The following MGAT5 variants were observed in gnomAD, a reference collection of about 807,000 sequenced individuals.
MGAT5 encodes the protein alpha-1,6-mannosylglycoprotein 6-beta-N-acetylglucosaminyltransferase A.
In MGAT5, 30 loss-of-function variants were observed where a neutral mutation model predicts 94.3. That is an observed-to-expected ratio of 0.32 (90% CI 0.24 to 0.43). MGAT5 has a LOEUF of 0.43. Ranked by LOEUF, MGAT5 falls within the 20% of genes least tolerant of loss-of-function variation. The probability of loss-of-function intolerance (pLI) is 1.00; values close to 1 mark genes in which losing one functional copy is unlikely to be tolerated. For synonymous variants in MGAT5, 310 were observed against 322.9 expected (o/e 0.96, Z 0.43); for missense variants, 691 against 905.5 (o/e 0.76, Z 3.04).
chr2:134,132,849 GT>G (rs1239364553), intron 1 of MGAT5, among the ~76,000 whole-genome samples: 3 of 152,200 alleles, frequency 2.0e-5, no homozygotes, highest in African/African-American at 7.2e-5. Context: ...ACCCTTCTCT[GT>G]TTACTTGGAA....
intron 2 of MGAT5, among the ~76,000 whole-genome samples, chr2:134,304,592 C>T (rs151007804): frequency 2.6e-5 from 4 of 152,272 alleles, no homozygotes; most frequent in Non-Finnish European, 5.9e-5. Flanking sequence ...ATACTTGTAA[C>T]ATCCCAGAAT....
chr2:134,442,267 G>A (rs904399873), intron 15 of MGAT5, among the ~76,000 whole-genome samples: 10 of 152,152 alleles, frequency 6.6e-5, no homozygotes, highest in African/African-American at 1.9e-4. Context: ...AGAGCCACAG[G>A]TATAGATGGA....
chr2:134,133,456 A>G (rs1686268596), intron 1 of MGAT5, among the ~76,000 whole-genome samples: 1 of 152,250 alleles, frequency 6.6e-6, no homozygotes, highest in Non-Finnish European at 1.5e-5. Context: ...CTGAAATGCC[A>G]GGTGAAGGAT....
intron 1 of MGAT5, among the ~76,000 whole-genome samples, chr2:134,194,204 G>T (rs1334121128): frequency 6.6e-6 from 1 of 152,184 alleles, no homozygotes; most frequent in African/African-American, 2.4e-5. Flanking sequence ...TGCTAGTATT[G>T]TTATAAATCT....
chr2:134,320,483 C>G (rs1015626391), intron 4 of MGAT5, among the ~76,000 whole-genome samples: 1 of 152,034 alleles, frequency 6.6e-6, no homozygotes, highest in African/African-American at 2.4e-5. Flanking sequence ...CGGCTGGCTT[C>G]CCCTTTATGG....
At chr2:134,244,694 C>T (rs1437003093) in intron 1 of MGAT5, among the ~76,000 whole-genome samples, 1 of 152,152 alleles carries the variant, frequency 6.6e-6, no homozygotes, top group Admixed American at 6.5e-5. Context: ...TGGGCAGAAC[C>T]TGTCTGAGCA....
intron 1 of MGAT5, among the ~76,000 whole-genome samples, chr2:134,225,701 G>T (rs1208195257): frequency 1.3e-5 from 2 of 152,166 alleles, no homozygotes; most frequent in Non-Finnish European, 1.5e-5. Flanking sequence ...GGACATGCTG[G>T]AGATAGAAGC....
chr2:134,170,371 T>C (rs1249344766), intron 1 of MGAT5, among the ~76,000 whole-genome samples: 2 of 152,234 alleles, frequency 1.3e-5, no homozygotes, highest in African/African-American at 4.8e-5. Context: ...CTGTCCATCC[T>C]TTAGTAAACA....
intron 10 of MGAT5, among the ~76,000 whole-genome samples, chr2:134,368,420 A>T (rs1168704760): frequency 6.6e-6 from 1 of 152,246 alleles, no homozygotes; most frequent in Non-Finnish European, 1.5e-5. Flanking sequence ...TGCCTTGGCA[A>T]CAACCAAAGT....
chr2:134,178,778 T>C (rs1206016712), intron 1 of MGAT5, among the ~76,000 whole-genome samples: 3 of 152,252 alleles, frequency 2.0e-5, no homozygotes, highest in African/African-American at 7.2e-5. Flanking sequence ...AACACCTGTG[T>C]CCTCTCTTCA....
chr2:134,256,678 TA>T (rs1682981525), intron 1 of MGAT5, among the ~76,000 whole-genome samples: 1 of 152,224 alleles, frequency 6.6e-6, no homozygotes, highest in Non-Finnish European at 1.5e-5. Context: ...TCAGCCACCT[TA>T]TATGCCTGTA....
chr2:134,384,946 G>A (rs1302378887), intron 10 of MGAT5, among the ~76,000 whole-genome samples: 1 of 152,138 alleles, frequency 6.6e-6, no homozygotes, highest in African/African-American at 2.4e-5. Context: ...GAGAAAGAAG[G>A]GTAAGATGCA....
intron 1 of MGAT5, among the ~76,000 whole-genome samples, chr2:134,130,600 G>A (rs544091523): frequency 1.2e-3 from 177 of 152,216 alleles, no homozygotes; most frequent in Middle Eastern, 3.4e-3. Flanking sequence ...TAGCTGATCT[G>A]GTGGGGACTT....
Position 134,197,396 on chromosome 2 carries a change from A to G in MGAT5, c.-142-56866A>G, listed in dbSNP as rs755970057. ...ATGAGAGAGTCTGGTAGAAAATTCAATTCAAAAGGTCGGTTGAGACATTGA... is the reference window on the plus strand; with the variant it reads ...ATGAGAGAGTCTGGTAGAAAATTCAGTTCAAAAGGTCGGTTGAGACATTGA... On this transcript the variant is annotated intron_variant, in intron 1 of 16. Transcript: ENST00000409645. 2.6e-5 allele frequency among the ~76,000 whole-genome samples: 4 copies of G among 152,356 alleles called. No homozygotes were observed. In the East Asian group the frequency reaches 5.8e-4, roughly 22 times the overall value.
intron 10 of MGAT5, among the ~76,000 whole-genome samples, chr2:134,381,403 TAGA>T (rs765642281): frequency 0.098 from 9,833 of 100,574 alleles, 424 homozygotes; most frequent in Middle Eastern, 0.28. Flanking sequence ...GATAGATAGA[TAGA>T]TAGATAGATA....
chr2:134,397,445 C>G (rs1354589890), intron 10 of MGAT5, among the ~76,000 whole-genome samples: 2 of 152,048 alleles, frequency 1.3e-5, no homozygotes, highest in South Asian at 2.1e-4. Flanking sequence ...TGGACTCTCC[C>G]CAAAGGCCTG....
At chr2:134,334,276 G>C (rs1688195132) in intron 4 of MGAT5, among the ~76,000 whole-genome samples, 1 of 152,100 alleles carries the variant, frequency 6.6e-6, no homozygotes, top group Non-Finnish European at 1.5e-5. Context: ...TCATCACAGT[G>C]AATCTTGAAA....
chr2:134,373,200 A>G (rs1377966247), intron 10 of MGAT5, among the ~76,000 whole-genome samples: 2 of 152,222 alleles, frequency 1.3e-5, no homozygotes, highest in Non-Finnish European at 2.9e-5. Context: ...GACAGAAGCC[A>G]CCAAGCAAGT....
intron 2 of MGAT5, 64 bp downstream of exon 2, chr2:134,270,614 A>C: frequency 1.3e-6 from 2 of 1,530,584 alleles, no homozygotes; most frequent in South Asian, 2.4e-5. Context: ...AGAAGAGAAT[A>C]AAGGAGAGCA....
Sources: gnomAD v4.1 joint callset for allele counts (sites outside exome capture counted in the v4.1 genomes callset) on GRCh38, gnomAD v4.1.1 for gene constraint, MANE v1.5 for transcripts, NCBI Gene and HGNC (gene_info 2026-07-23, HGNC 2026-07-21) for gene names.